The following ZFHX3 variants were observed in gnomAD, a reference collection of about 807,000 sequenced individuals.
ZFHX3 encodes zinc finger homeobox 3, also known as zinc finger homeobox protein 3.
ZFHX3 carries 42 observed loss-of-function variants against 279.1 expected under a neutral mutation model. The ratio of observed to expected loss-of-function variants is 0.15; its 90% CI spans 0.12 to 0.19. ZFHX3 has a LOEUF of 0.19. Ranked by LOEUF, ZFHX3 falls within the 10% of genes least tolerant of loss-of-function variation. The pLI is 1.00. For missense variants in ZFHX3, 4,981 were observed against 4,754.0 expected (o/e 1.05, Z -1.40); for synonymous variants, 2,293 against 1,957.8 (o/e 1.17, Z -4.52).
chr16:73,460,126 A>G (rs1192722313), intron 2 of ZFHX3, among the ~76,000 whole-genome samples: 2 of 151,602 alleles, frequency 1.3e-5, no homozygotes, highest in African/African-American at 4.9e-5. Context: ...TCCCATTCCC[A>G]CTCTCTCCTT....
At chr16:73,577,021 A>C (rs2051806950) in intron 2 of ZFHX3, among the ~76,000 whole-genome samples, 1 of 152,128 alleles carries the variant, frequency 6.6e-6, no homozygotes, top group Admixed American at 6.5e-5. Flanking sequence ...GACACTTTGG[A>C]ACTCAGTGTA....
chr16:73,748,697 A>G (rs417940), intron 1 of ZFHX3, among the ~76,000 whole-genome samples: 119,125 of 152,192 alleles, frequency 0.78, 47,473 homozygotes, highest in East Asian at 0.97. Flanking sequence ...TCACTGTCTC[A>G]TTGAAGAGCC....
At chr16:73,037,493 A>G (rs1023309933) in intron 1 of ZFHX3, among the ~76,000 whole-genome samples, 14 of 152,304 alleles carry the variant, frequency 9.2e-5, no homozygotes, top group African/African-American at 2.9e-4. Context: ...GACAGTTTCA[A>G]TAAGTCAAGA....
At chr16:73,542,091 C>T (rs1035765067) in intron 2 of ZFHX3, among the ~76,000 whole-genome samples, 29 of 152,066 alleles carry the variant, frequency 1.9e-4, no homozygotes, top group Non-Finnish European at 2.9e-4. Flanking sequence ...CGAGCAACCG[C>T]GCCCGGCCCT....
At chr16:72,849,249 A>C (rs1567546582) in intron 4 of ZFHX3, among the ~76,000 whole-genome samples, 1 of 152,204 alleles carries the variant, frequency 6.6e-6, no homozygotes, top group East Asian at 1.9e-4. Context: ...TACGCCCCTA[A>C]CAGCCCCTGA....
chr16:73,598,479 G>A (rs776252466), intron 2 of ZFHX3, among the ~76,000 whole-genome samples: 5 of 149,176 alleles, frequency 3.4e-5, no homozygotes, highest in Admixed American at 2.0e-4. Flanking sequence ...GCGTAGTGGC[G>A]TGATCTTGAC....
At chr16:73,539,269 T>G (rs1168246752) in intron 2 of ZFHX3, among the ~76,000 whole-genome samples, 1 of 151,936 alleles carries the variant, frequency 6.6e-6, no homozygotes, top group African/African-American at 2.4e-5. Flanking sequence ...AGCCATGAGT[T>G]TGGGAATGTC....
intron 1 of ZFHX3, among the ~76,000 whole-genome samples, chr16:73,791,716 C>G (rs1959831296): frequency 1.3e-5 from 2 of 152,244 alleles, no homozygotes; most frequent in African/African-American, 4.8e-5. Flanking sequence ...AGCCACCGCA[C>G]CCAGCCTAGA....
chr16:72,854,677 G>C (rs1423724771), intron 4 of ZFHX3, among the ~76,000 whole-genome samples: 1 of 151,974 alleles, frequency 6.6e-6, no homozygotes, highest in East Asian at 1.9e-4. Flanking sequence ...GATTGGATAG[G>C]CCAATTTCAA....
intron 1 of ZFHX3, among the ~76,000 whole-genome samples, chr16:73,772,173 T>C (rs1186847516): frequency 2.6e-5 from 4 of 152,180 alleles, no homozygotes; most frequent in African/African-American, 4.8e-5. Context: ...GGAATTGGAA[T>C]TGCTGTGTGT....
chr16:73,535,172 C>T lies in ZFHX3; in HGVS notation c.-1546-78914G>A, dbSNP rs140048189. 2.6e-5 allele frequency among the ~76,000 whole-genome samples: 4 copies of T among 152,276 alleles called. No homozygotes were observed. In the East Asian group the frequency reaches 5.8e-4, roughly 22 times the overall value. ...AGCTCAAAAGTTGTACAATAAGTAG[C>T]ACCCCATAATAGCCTAATTTCACCA... On this transcript the variant is annotated intron_variant, in intron 2 of 17. Coordinates refer to the ZFHX3 transcript ENST00000641206.
chr16:73,011,679 T>C (rs1442478533), intron 1 of ZFHX3, among the ~76,000 whole-genome samples: 1 of 151,622 alleles, frequency 6.6e-6, no homozygotes, highest in Non-Finnish European at 1.5e-5. Flanking sequence ...ATGGATATCA[T>C]GCCACTGCAT....
intron 3 of ZFHX3, among the ~76,000 whole-genome samples, chr16:73,430,689 T>A (rs1242967658): frequency 1.3e-5 from 2 of 152,172 alleles, no homozygotes; most frequent in Non-Finnish European, 2.9e-5. Context: ...ATCACTGAAA[T>A]GGGGCAACAG....
rs531743859 is a variant in ZFHX3 at position 72,894,252 on chromosome 16, T to C, written c.3217-4290A>G. ...CCCAAACTTCTGCTTGGGTCTACTA[T>C]GTCTACCTGCATGTGACAAGTCCTG... On this transcript the variant is annotated intron_variant, in intron 3 of 9. Transcript: ENST00000268489. Among the ~76,000 whole-genome samples, 14 of 152,278 alleles carry C rather than the reference T, an allele frequency of 9.2e-5. No homozygotes were observed. The East Asian group carries it at 9.6e-4, about 10-fold the overall frequency.
rs182219907 is a variant in ZFHX3 at position 73,298,908 on chromosome 16, T to G, written c.-1194+19332A>C. 3.9e-5 allele frequency among the ~76,000 whole-genome samples: 6 copies of G among 152,328 alleles called. No homozygotes were observed. In the East Asian group the frequency reaches 1.2e-3, roughly 29 times the overall value. ...ACAGTCAGAACAATTTCACTTCAGT[T>G]TGTAAATGTATGAAAACAAAAGCTA... On this transcript the variant is annotated intron_variant, in intron 4 of 17. Coordinates refer to the ZFHX3 transcript ENST00000641206.
chr16:73,469,442 G>A (rs75502827), intron 2 of ZFHX3, among the ~76,000 whole-genome samples: 5 of 152,166 alleles, frequency 3.3e-5, no homozygotes, highest in East Asian at 1.9e-4. Context: ...ACCTGTATAT[G>A]TACTGCCATC....
chr16:73,294,515 A>T (rs1471534046), intron 4 of ZFHX3, among the ~76,000 whole-genome samples: 1 of 152,262 alleles, frequency 6.6e-6, no homozygotes, highest in Non-Finnish European at 1.5e-5. Flanking sequence ...ACATAGTTTA[A>T]AAACAGGCCT....
chr16:73,725,224 AG>A (rs1286065616), intron 1 of ZFHX3, among the ~76,000 whole-genome samples: 1 of 152,256 alleles, frequency 6.6e-6, no homozygotes, highest in African/African-American at 2.4e-5. Flanking sequence ...ATTTTTAAAA[AG>A]GCTTTTATAT....
chr16:73,611,556 C>A (rs921750039), intron 2 of ZFHX3, among the ~76,000 whole-genome samples: 5 of 152,084 alleles, frequency 3.3e-5, no homozygotes, highest in African/African-American at 1.2e-4. Context: ...ATCTCAACTT[C>A]TGAAGCATAA....
Sources: gnomAD v4.1 joint callset for allele counts (sites outside exome capture counted in the v4.1 genomes callset) on GRCh38, gnomAD v4.1.1 for gene constraint, MANE v1.5 for transcripts, NCBI Gene and HGNC (gene_info 2026-07-23, HGNC 2026-07-21) for gene names.